CFDP1: variants seen among roughly 807,000 people sequenced by gnomAD.
The protein encoded by CFDP1 is chromatin remodeling protein CFDP1, also known as heterochromatin-stabilizing protein CFDP1.
Under a neutral mutation model 40.1 loss-of-function variants are expected in CFDP1, and 31 were observed. The ratio of observed to expected loss-of-function variants is 0.77; its 90% CI spans 0.58 to 1.04. The LOEUF (loss-of-function observed/expected upper bound fraction) is 1.04, where lower values mean the gene tolerates loss of function less well. Ranked by LOEUF, CFDP1 falls within the 50% of genes least tolerant of loss-of-function variation. The probability of loss-of-function intolerance (pLI) is 0.00; values close to 1 mark genes in which losing one functional copy is unlikely to be tolerated. For missense variants in CFDP1, 423 were observed against 343.4 expected, an observed-to-expected ratio of 1.23 and a Z score of -1.83; for synonymous variants, 167 against 120.0, an observed-to-expected ratio of 1.39 and a Z score of -2.56.
At chr16:75,399,640 G>C (rs547798561) in intron 4 of CFDP1, among the ~76,000 whole-genome samples, 45 of 151,908 alleles carry the variant, frequency 3.0e-4, no homozygotes, top group Admixed American at 6.5e-4. Flanking sequence ...TGGCCTCCCA[G>C]TGCTGGGATT....
At position 75,392,913 on chromosome 16, in the gene CFDP1, G is replaced by A. The variant is rs929423832; in HGVS notation, c.650+2177C>T. The stretch of plus-strand genomic sequence containing the variant: ...GCAGTCAAATCCTCTTCCTCCATAG[G>A]TTTCTGTGTAACTACTACATGACTT... On this transcript the variant is annotated intron_variant, in intron 5 of 6. Transcript: ENST00000283882. Among the ~76,000 whole-genome samples, 3 of 152,156 alleles carry A rather than the reference G, an allele frequency of 2.0e-5. No individual in the cohort carries two copies. In the South Asian group the frequency reaches 6.2e-4, roughly 32 times the overall value.
intron 5 of CFDP1, among the ~76,000 whole-genome samples, chr16:75,370,265 G>T (rs992889338): frequency 3.3e-5 from 5 of 150,744 alleles, no homozygotes; most frequent in African/African-American, 1.2e-4. Flanking sequence ...GCTAATTTTT[G>T]TATTTTTAGT....
intron 5 of CFDP1, among the ~76,000 whole-genome samples, chr16:75,316,968 T>C (rs918396658): frequency 5.3e-5 from 8 of 151,114 alleles, no homozygotes; most frequent in Non-Finnish European, 1.0e-4. Context: ...GCGACAAGAG[T>C]GAAAACTCCG....
At chr16:75,323,264 C>T (rs1167162713) in intron 5 of CFDP1, among the ~76,000 whole-genome samples, 1 of 151,422 alleles carries the variant, frequency 6.6e-6, no homozygotes, top group African/African-American at 2.4e-5. Context: ...ACACATTAGT[C>T]CAGGCCTACA....
intron 6 of CFDP1, chr16:75,301,717 T>G (rs1462076914): frequency 1.3e-5 from 2 of 152,144 alleles, no homozygotes; most frequent in East Asian, 3.9e-4. Context: ...GAGAATCACC[T>G]GAGAAGTAAA....
chr16:75,345,596 A>C (rs1428257799), intron 5 of CFDP1, among the ~76,000 whole-genome samples: 1 of 152,190 alleles, frequency 6.6e-6, no homozygotes, highest in Non-Finnish European at 1.5e-5. Context: ...AGTGAACTAT[A>C]ATCATGTCAC....
rs754265345 is a variant in CFDP1, at chr16:75,433,340, C to T, written c.13G>A (p.Asp5Asn). The change falls in exon 1 of 7, where the codon GAC becomes AAC. Residue 5 changes from aspartate (D) to asparagine (N), a missense_variant. Transcript: ENST00000283882. Reference protein sequence around the residue: MEEFDSEDFSTSEED... With the variant: MEEFNSEDFSTSEED... ...TCCGACGTAGAGAAGTCTTCGGAGTCGAATTCCTCCATGTTGCTGCCGCTC... is the reference window on the plus strand; with the variant it reads ...TCCGACGTAGAGAAGTCTTCGGAGTTGAATTCCTCCATGTTGCTGCCGCTC... The T allele has an allele frequency of 1.3e-6, 2 of 1,596,306 alleles. No homozygotes were observed. Among genetic ancestry groups the T allele is most frequent in the South Asian group, 1.1e-5 (1 of 88,766 alleles).
intron 4 of CFDP1, among the ~76,000 whole-genome samples, chr16:75,400,173 T>C (rs984189615): frequency 9.3e-5 from 14 of 150,294 alleles, no homozygotes; most frequent in African/African-American, 3.2e-4. Context: ...TCCTAGATGC[T>C]TGGGAGGCTG....
At chr16:75,408,743 C>A (rs2151580961) in intron 4 of CFDP1, among the ~76,000 whole-genome samples, 1 of 151,978 alleles carries the variant, frequency 6.6e-6, no homozygotes, top group Non-Finnish European at 1.5e-5. Context: ...CCACTGTACT[C>A]TAGCCTCGGC....
At chr16:75,423,326 G>C (rs537143192) in intron 1 of CFDP1, among the ~76,000 whole-genome samples, 5 of 150,970 alleles carry the variant, frequency 3.3e-5, no homozygotes, top group Non-Finnish European at 7.4e-5. Flanking sequence ...GTGTGCATCT[G>C]TAGTCCCAGG....
intron 5 of CFDP1, among the ~76,000 whole-genome samples, chr16:75,307,960 G>A (rs1164858621): frequency 6.6e-6 from 1 of 152,122 alleles, no homozygotes; most frequent in Admixed American, 6.6e-5. Flanking sequence ...TTTCATATGG[G>A]AACACTGATC....
At chr16:75,354,033 T>G (rs963632163) in intron 5 of CFDP1, among the ~76,000 whole-genome samples, 3 of 152,186 alleles carry the variant, frequency 2.0e-5, no homozygotes, top group Admixed American at 2.0e-4. Context: ...CAAACTACTC[T>G]GAGTACCCAT....
chr16:75,313,813 T>C (rs1044314155), intron 5 of CFDP1, among the ~76,000 whole-genome samples: 1 of 151,010 alleles, frequency 6.6e-6, no homozygotes, highest in African/African-American at 2.4e-5. Flanking sequence ...AAGTTGAAAG[T>C]CTGAGTTGCT....
At chr16:75,428,134 T>C (rs1472137176) in intron 1 of CFDP1, among the ~76,000 whole-genome samples, 1 of 150,386 alleles carries the variant, frequency 6.6e-6, no homozygotes, top group African/African-American at 2.4e-5. Context: ...GAAATTTGTT[T>C]TTTTTTTTTT....
At chr16:75,377,550 GA>G (rs1399581942) in intron 5 of CFDP1, among the ~76,000 whole-genome samples, 2 of 152,054 alleles carry the variant, frequency 1.3e-5, no homozygotes. Flanking sequence ...AAGAAATAAA[GA>G]AAAGAAAAAG....
chr16:75,335,377 T>C (rs540844664), intron 5 of CFDP1, among the ~76,000 whole-genome samples: 23 of 152,126 alleles, frequency 1.5e-4, no homozygotes, highest in African/African-American at 4.8e-4. Flanking sequence ...CTGAAAAAAA[T>C]CTCCCACCCT....
chr16:75,395,117 G>A lies in CFDP1; in HGVS notation c.623C>T (p.Ala208Val). The A allele has an allele frequency of 6.2e-7, 1 of 1,613,972 alleles. No homozygotes were observed. Among genetic ancestry groups the A allele is most frequent in the Admixed American group, 1.7e-5 (1 of 60,010 alleles). Residue 208 changes from alanine (A) to valine (V), a missense_variant, in exon 5 of 7, where the codon GCT (alanine) becomes GTT (valine). By Grantham distance (64) the Ala-to-Val change is moderately conservative (BLOSUM62 0). Coordinates refer to ENST00000283882, the MANE Select transcript of CFDP1 (RefSeq NM_006324.3). ...TGACCCGGCAGGGAGTGATGGCAGA[G>A]CTGAAGGAACATTAGCCTGTGGTTT... ...KEKPQANVPS[A>V]LPSLPAGSGL... is the part of the protein sequence containing the mutation.
chr16:75,402,459 T>C (rs2079063898), intron 4 of CFDP1, among the ~76,000 whole-genome samples: 2 of 152,160 alleles, frequency 1.3e-5, no homozygotes, highest in Admixed American at 1.3e-4. Context: ...CCCATTCCCC[T>C]AGGTTAATAA....
chr16:75,331,652 T>C (rs903556115), intron 5 of CFDP1, among the ~76,000 whole-genome samples: 3 of 152,216 alleles, frequency 2.0e-5, no homozygotes, highest in Non-Finnish European at 4.4e-5. Flanking sequence ...TTTTCTTTTG[T>C]GTCTGGTTTC....
Sources: allele counts gnomAD v4.1 joint callset (sites outside exome capture counted in the v4.1 genomes callset), GRCh38; gene constraint gnomAD v4.1.1; transcripts MANE v1.5; gene names NCBI Gene and HGNC (gene_info 2026-07-23, HGNC 2026-07-21).